POFUT1: variants seen among roughly 807,000 people sequenced by gnomAD.
The protein encoded by POFUT1 is GDP-fucose protein O-fucosyltransferase 1.
In POFUT1, 16 loss-of-function variants were observed where a neutral mutation model predicts 42.4. That is an observed-to-expected ratio of 0.38 (90% CI 0.26 to 0.57). The LOEUF is 0.57. POFUT1 is among the 20% of genes least tolerant of loss of function. The probability of loss-of-function intolerance (pLI) is 0.71; values close to 1 mark genes in which losing one functional copy is unlikely to be tolerated. For synonymous variants in POFUT1, 206 were observed against 205.4 expected (o/e 1.00, Z -0.03); for missense variants, 470 against 504.6 (o/e 0.93, Z 0.66).
At chr20:32,226,388 T>C (rs758350229) in intron 4 of POFUT1, among the ~76,000 whole-genome samples, 2 of 152,152 alleles carry the variant, frequency 1.3e-5, no homozygotes, top group Non-Finnish European at 1.5e-5. Flanking sequence ...GATATTGACA[T>C]TGATACAATT....
Position 32,207,916 on chromosome 20 carries a change from C to T in POFUT1, c.-26C>T, listed in dbSNP as rs771588181. ...TCCTTCCCTCCCCGACTGTGCGCCGCGGCTGGCTCGGGTTCCCGGGCCGAC... is the reference window on the plus strand; with the variant it reads ...TCCTTCCCTCCCCGACTGTGCGCCGTGGCTGGCTCGGGTTCCCGGGCCGAC... On this transcript the variant is annotated 5_prime_UTR_variant, in exon 1 of 7. Transcript: ENST00000375749. 8.3e-6 allele frequency: 13 copies of T among 1,568,764 alleles called. No individual in the cohort carries two copies. Among genetic ancestry groups the T allele is most frequent in the African/African-American group, 6.8e-5 (5 of 73,480 alleles).
At chr20:32,211,613 T>A (rs564561348) in intron 2 of POFUT1, among the ~76,000 whole-genome samples, 1 of 152,304 alleles carries the variant, frequency 6.6e-6, no homozygotes, top group East Asian at 1.9e-4. Flanking sequence ...TCCATCTCCC[T>A]CTGGCTTGCT....
intron 4 of POFUT1, among the ~76,000 whole-genome samples, chr20:32,227,441 T>C (rs1367131249): frequency 3.3e-5 from 5 of 152,150 alleles, no homozygotes; most frequent in Non-Finnish European, 7.3e-5. Context: ...GGTCTTGCCT[T>C]GAGCCTGGAG....
chr20:32,216,526 T>G (rs943300232), intron 3 of POFUT1, 83 bp from the exon 4 acceptor site: 1 of 804,290 alleles, frequency 1.2e-6, no homozygotes, highest in African/African-American at 1.7e-5. Flanking sequence ...TCACCCAGCT[T>G]CCCCCACCTA....
At chr20:32,233,566 G>A (rs6087841) in intron 6 of POFUT1, among the ~76,000 whole-genome samples, 2,155 of 152,298 alleles carry the variant, frequency 0.014, 28 homozygotes, top group Non-Finnish European at 0.02. Flanking sequence ...AGGTTATCTC[G>A]AAAAGTTTCT....
In POFUT1 at chr20:32,219,415, A is replaced by G. The variant is rs75273245; in HGVS notation, c.542+2694A>G. Among the ~76,000 whole-genome samples, 271 of 152,254 alleles carry G rather than the reference A, an allele frequency of 1.8e-3. 1 individual carries two copies. The highest frequency in any genetic ancestry group is 6.2e-3 in the African/African-American group (256 of 41,552). ...ATGGTGAAGGAGCAGAAAGAAGGCA[A>G]TGTGGTATGGAGTGAGTGAGAGAAT... is the stretch of plus-strand genomic sequence containing the variant. On this transcript the variant is annotated intron_variant, in intron 4 of 6. Transcript: ENST00000375749.
Position 32,210,093 on chromosome 20 carries a change from T to A in POFUT1, c.147T>A (p.Asp49Glu). 1 of 1,614,170 alleles carries A rather than the reference T, an allele frequency of 6.2e-7. No homozygotes were observed. Among genetic ancestry groups the A allele is most frequent in the Non-Finnish European group, 8.5e-7 (1 of 1,180,028 alleles). The change falls in exon 2 of 7, where the codon GAT becomes GAA. Residue 49 changes from aspartate (D) to glutamate (E), a missense_variant. Coordinates refer to ENST00000375749, the MANE Select transcript of POFUT1 (RefSeq NM_015352.2). ...CAGGGCGCTTTGGGAACCAGGCCGA[T>A]CACTTCTTGGGCTCTCTGGCATTTG... ...PCMGRFGNQA[D>E]HFLGSLAFAK...
At chr20:32,219,689 G>A (rs2047381293) in intron 4 of POFUT1, among the ~76,000 whole-genome samples, 1 of 151,956 alleles carries the variant, frequency 6.6e-6, no homozygotes, top group African/African-American at 2.4e-5. Context: ...AGTAGAGACG[G>A]GGTTTCACCG....
chr20:32,231,015 A>C lies in POFUT1; in HGVS notation c.932A>C (p.Asp311Ala), dbSNP rs921426547. The C allele has an allele frequency of 6.2e-7, 1 of 1,614,090 alleles. No individual in the cohort carries two copies. Among genetic ancestry groups the C allele is most frequent in the Non-Finnish European group, 8.5e-7 (1 of 1,180,042 alleles). Reference sequence around the variant, plus strand: ...GCCCAGTCGGTCTACGTTGCTACTGATTCCGAGAGTTATGTGCCTGAGCTC... The same window carrying C: ...GCCCAGTCGGTCTACGTTGCTACTGCTTCCGAGAGTTATGTGCCTGAGCTC... ...LDAQSVYVATDSESYVPELQQ... is the reference protein window; with the variant it reads ...LDAQSVYVATASESYVPELQQ... The change falls in exon 6 of 7, where the codon GAT (aspartate) becomes GCT (alanine). Residue 311 changes from aspartate to alanine, a missense_variant. Coordinates refer to ENST00000375749, the MANE Select transcript of POFUT1 (RefSeq NM_015352.2).
intron 4 of POFUT1, chr20:32,223,368 C>T: frequency 1.0e-6 from 1 of 985,390 alleles, no homozygotes; most frequent in Non-Finnish European, 1.2e-6. Context: ...CCTCTTGCTG[C>T]TTGTTGGGTC....
Position 32,238,022 on chromosome 20 carries a change from G to A in POFUT1, c.*3361G>A. 2 of 341,456 alleles carry A rather than the reference G, an allele frequency of 5.9e-6. No individual in the cohort carries two copies. The highest frequency in any genetic ancestry group is 1.2e-5 in the Non-Finnish European group (2 of 170,210). 21.2% of individuals were successfully genotyped at this position (341,456 alleles called of 1,614,324 possible). On this transcript the variant is annotated 3_prime_UTR_variant, in exon 7 of 7. Coordinates refer to ENST00000375749, the MANE Select transcript of POFUT1 (RefSeq NM_015352.2). ...AATAGTGTATCATGTTTTCCCTGTTGGTATGTAGCCTGGATAAATGCTCTT... is the reference window on the plus strand; with the variant it reads ...AATAGTGTATCATGTTTTCCCTGTTAGTATGTAGCCTGGATAAATGCTCTT...
intron 2 of POFUT1, among the ~76,000 whole-genome samples, chr20:32,213,909 G>C (rs1183757343): frequency 6.6e-6 from 1 of 152,052 alleles, no homozygotes; most frequent in African/African-American, 2.4e-5. Context: ...TACAGATAAA[G>C]TTGGTAAAAG....
At chr20:32,211,572 GCACT>G (rs1569149770) in intron 2 of POFUT1, among the ~76,000 whole-genome samples, 1 of 152,082 alleles carries the variant, frequency 6.6e-6, no homozygotes, top group Non-Finnish European at 1.5e-5. Flanking sequence ...GCCTGGCCTC[GCACT>G]CACTATTACA....
intron 4 of POFUT1, among the ~76,000 whole-genome samples, chr20:32,218,506 T>C (rs2047373819): frequency 6.6e-6 from 1 of 152,342 alleles, no homozygotes; most frequent in East Asian, 1.9e-4. Flanking sequence ...AGTTCCCTTC[T>C]GGGACTTGCC....
Position 32,238,154 on chromosome 20 carries a change from A to T in POFUT1, c.*3493A>T, listed in dbSNP as rs2047482499. The T allele has an allele frequency of 4.0e-6, 1 of 251,162 alleles. No homozygotes were observed. The highest frequency in any genetic ancestry group is 2.2e-5 in the African/African-American group (1 of 44,856). The allele number at this position is 251,162 out of a possible 1,614,324, so 15.6% of individuals were successfully genotyped here. On this transcript the variant is annotated 3_prime_UTR_variant, in exon 7 of 7. Coordinates refer to ENST00000375749, the MANE Select transcript of POFUT1 (RefSeq NM_015352.2). The stretch of plus-strand genomic sequence containing the variant: ...ATGCCTGTAATCCCAGCACTTTGCG[A>T]GGCCGAGGTGGGCAGATCACTTGAG...
chr20:32,221,477 GTTGAGGCAGGTGATCGC>G (rs1239293139), intron 4 of POFUT1, among the ~76,000 whole-genome samples: 1 of 152,096 alleles, frequency 6.6e-6, no homozygotes, highest in African/African-American at 2.4e-5. Context: ...TTACAGAGAG[GTTGAGGCAGGTGATCGC>G]TTGAGCCCAG....
At position 32,223,836 on chromosome 20, in the gene POFUT1, G is replaced by A. The variant is rs115682285; in HGVS notation, c.543-4427G>A. On this transcript the variant is annotated intron_variant, in intron 4 of 6. Coordinates refer to ENST00000375749, the MANE Select transcript of POFUT1 (RefSeq NM_015352.2). ...AAGGGTGGGGGAGATGGGAGTAAGG[G>A]GTAGTAGTTAAGAACATAGGATCTG... 248 of 278,018 alleles carry A rather than the reference G, an allele frequency of 8.9e-4. 2 individuals carry two copies. The highest frequency in any genetic ancestry group is 5.3e-3 in the African/African-American group (230 of 43,780). 17.2% of individuals were successfully genotyped at this position (278,018 alleles called of 1,614,324 possible).
At chr20:32,231,327 G>A (rs967396201) in intron 6 of POFUT1, 2 of 443,968 alleles carry the variant, frequency 4.5e-6, no homozygotes, top group Non-Finnish European at 4.2e-6. Flanking sequence ...GCACTTTCTG[G>A]ACTGTATGAG....
intron 4 of POFUT1, among the ~76,000 whole-genome samples, chr20:32,221,463 G>A (rs1472809723): frequency 6.6e-6 from 1 of 151,888 alleles, no homozygotes; most frequent in Admixed American, 6.6e-5. Context: ...GTAATCCTAA[G>A]GGATTACAGA....
Sources: allele counts gnomAD v4.1 joint callset (sites outside exome capture counted in the v4.1 genomes callset), GRCh38; gene constraint gnomAD v4.1.1; transcripts MANE v1.5; gene names NCBI Gene and HGNC (gene_info 2026-07-23, HGNC 2026-07-21).